Variants in SYNE1 observed in about 807,000 individuals in gnomAD.
SYNE1 encodes the protein nesprin-1.
SYNE1 carries 616 observed loss-of-function variants against 1,111.0 expected under a neutral mutation model. The observed-to-expected ratio is 0.55, with a 90% CI of 0.52 to 0.59. The LOEUF (loss-of-function observed/expected upper bound fraction) is 0.59, where lower values mean the gene tolerates loss of function less well. Among genes scored for constraint, SYNE1 ranks in the 20% least tolerant of loss-of-function variants. The pLI is 0.00. For missense variants in SYNE1, 10,006 were observed against 10,417.0 expected (o/e 0.96, Z 1.72); for synonymous variants, 3,855 against 3,825.8 (o/e 1.01, Z -0.28).
chr6:152,365,263 C>T (rs2097050137), intron 62 of SYNE1, among the ~76,000 whole-genome samples: 1 of 152,114 alleles, frequency 6.6e-6, no homozygotes, highest in Non-Finnish European at 1.5e-5. Flanking sequence ...ATAATCCCTT[C>T]CTTCCAATGA....
At chr6:152,487,242 C>T (rs1280493643) in intron 12 of SYNE1, among the ~76,000 whole-genome samples, 1 of 152,148 alleles carries the variant, frequency 6.6e-6, no homozygotes, top group Non-Finnish European at 1.5e-5. Context: ...TGTTGTTCCT[C>T]CATGTGTCCA....
chr6:152,465,180 C>G, intron 18 of SYNE1, 78 bp downstream of exon 18: 2 of 1,487,928 alleles, frequency 1.3e-6, no homozygotes, highest in East Asian at 4.5e-5. Context: ...TATGCGACCC[C>G]CTAGTGAGCT....
chr6:152,331,160 C>A lies in SYNE1; in HGVS notation c.13525G>T (p.Glu4509Ter). 6.2e-7 allele frequency: 1 copy of A among 1,614,120 alleles called. No homozygotes were observed. Among genetic ancestry groups the A allele is most frequent in the Non-Finnish European group, 8.5e-7 (1 of 1,180,040 alleles). Residue 4509 changes from glutamate (E) to a stop codon, truncating the protein, a stop_gained, in exon 78 of 146, where the codon GAA becomes TAA. Transcript: ENST00000367255. LOFTEE classifies it high-confidence loss of function. ...AQASLKTYQN[E>*]VTGLWAQGRE... is the part of the protein sequence containing the mutation. ...CCCTGGGCCCAAAGTCCAGTGACTT[C>A]ATTTTGGTAAGTCTTGAGGCTGGCT...
chr6:152,450,950 C>T, intron 26 of SYNE1, 97 bp downstream of exon 26: 1 of 1,597,234 alleles, frequency 6.3e-7, no homozygotes, highest in Non-Finnish European at 8.6e-7. Flanking sequence ...AGTAATTAAG[C>T]TATTATTTTT....
intron 127 of SYNE1, among the ~76,000 whole-genome samples, chr6:152,199,751 TC>T (rs1398281465): frequency 1.3e-5 from 2 of 152,200 alleles, no homozygotes; most frequent in Non-Finnish European, 2.9e-5. Context: ...GAGGCTAACT[TC>T]CCAAGCAATT....
intron 53 of SYNE1, among the ~76,000 whole-genome samples, chr6:152,388,614 A>G (rs1212124212): frequency 6.6e-6 from 1 of 152,158 alleles, no homozygotes; most frequent in Admixed American, 6.6e-5. Context: ...ACAACTCCAC[A>G]ATGTGTTTTG....
chr6:152,467,267 C>T (rs1320389026), intron 16 of SYNE1, among the ~76,000 whole-genome samples: 1 of 152,000 alleles, frequency 6.6e-6, no homozygotes, highest in African/African-American at 2.4e-5. Context: ...AGAATAAAGT[C>T]AGACAATAGT....
intron 104 of SYNE1, among the ~76,000 whole-genome samples, chr6:152,252,720 G>C (rs1461778900): frequency 6.6e-6 from 1 of 152,164 alleles, no homozygotes; most frequent in East Asian, 1.9e-4. Context: ...ACATTGGAAA[G>C]TTTCTCTCAA....
rs148785548 is a variant in SYNE1, at chr6:152,430,627, G to A, written c.4544C>T (p.Thr1515Ile). Reference sequence around the variant, plus strand: ...TTTAATTCGAGCAGATTCTCCAGTGGTAACAAACTGAGCAAAAGACTGGGC... The same window carrying A: ...TTTAATTCGAGCAGATTCTCCAGTGATAACAAACTGAGCAAAAGACTGGGC... The part of the protein sequence containing the change: ...EEAQSFAQFV[T>I]TGESARIKAK... The change falls in exon 35 of 146, where the codon ACC becomes ATC. Residue 1515 changes from threonine to isoleucine, a missense_variant. Thr to Ile is a moderately conservative substitution (Grantham distance 89). Transcript: ENST00000367255. 1.2e-5 allele frequency: 20 copies of A among 1,614,004 alleles called. No homozygotes were observed. In the African/African-American group the frequency reaches 1.5e-4, roughly 12 times the overall value.
intron 3 of SYNE1, among the ~76,000 whole-genome samples, chr6:152,549,383 A>G (rs2099329277): frequency 6.6e-6 from 1 of 152,250 alleles, no homozygotes; most frequent in Non-Finnish European, 1.5e-5. Context: ...GGCTTAAGCC[A>G]CAGAGTTTTG....
rs374697325 is a variant in SYNE1, at chr6:152,330,733, T to C, written c.13952A>G (p.Gln4651Arg). ...LSEKLNALPRQFNVIVALAKD... is the reference protein window; with the variant it reads ...LSEKLNALPRRFNVIVALAKD... ...AGCCAAGGCAACAATTACATTAAAT[T>C]GTCGAGGCAAAGCATTTAGCTTTTC... The change falls in exon 78 of 146, where the codon CAA becomes CGA. Residue 4651 changes from glutamine to arginine, a missense_variant. This residue lies in a region of SYNE1 where 4,955 missense variants were observed against 5,017.2 expected (regional missense o/e 0.99). Transcript: ENST00000367255. 2.8e-5 allele frequency: 45 copies of C among 1,614,060 alleles called. No individual in the cohort carries two copies. Among genetic ancestry groups the C allele is most frequent in the South Asian group, 2.0e-4 (18 of 91,078 alleles).
rs187504015 is a variant in SYNE1 at position 152,602,977 on chromosome 6, G to A, written c.67+25288C>T. Among the ~76,000 whole-genome samples the A allele has an allele frequency of 1.2e-4, 18 of 152,274 alleles. No homozygotes were observed. The East Asian group carries it at 1.9e-3, about 16-fold the overall frequency. ...GACAAACAAGCCATACCCATAAAAT[G>A]AAGAAAAGAACAGGAGGAGCATATA... is the stretch of plus-strand genomic sequence containing the variant. On this transcript the variant is annotated intron_variant, in intron 3 of 145. Transcript: ENST00000367255.
chr6:152,151,647 C>T lies in SYNE1; in HGVS notation c.24356G>A (p.Ser8119Asn), dbSNP rs1400348957. 1 of 1,614,152 alleles carries T rather than the reference C, an allele frequency of 6.2e-7. No individual in the cohort carries two copies. Among genetic ancestry groups the T allele is most frequent in the Admixed American group, 1.7e-5 (1 of 60,022 alleles). Residue 8119 changes from serine to asparagine, a missense_variant, in exon 135 of 146, where the codon AGC becomes AAC. Ser to Asn is a conservative substitution (Grantham distance 46). This residue lies in a region of SYNE1 where 34 missense variants were observed against 68.3 expected (regional missense o/e 0.50). Transcript: ENST00000367255. ...CATCTCTGTGAGCCAGACCAGAATGCTGTCCCGCGCAGTCTCAAACTCCTC... is the reference window on the plus strand; with the variant it reads ...CATCTCTGTGAGCCAGACCAGAATGTTGTCCCGCGCAGTCTCAAACTCCTC... ...QREEFETARD[S>N]ILVWLTEMDL...
Position 152,416,855 on chromosome 6 carries a change from T to C in SYNE1, c.5582A>G (p.Glu1861Gly), listed in dbSNP as rs1463746334. ...QLFEEASQVVERRQLALSHLA... is the reference protein window; with the variant it reads ...QLFEEASQVVGRRQLALSHLA... Reference sequence around the variant, plus strand: ...ATGGGACAGGGCAAGCTGCCGCCTCTCCACAACCTGGCTGGCCTCCTCAAA... The same window carrying C: ...ATGGGACAGGGCAAGCTGCCGCCTCCCCACAACCTGGCTGGCCTCCTCAAA... Residue 1861 changes from glutamate to glycine, a missense_variant, in exon 41 of 146, where the codon GAG becomes GGG. Glu to Gly is a moderately conservative substitution (Grantham distance 98). Around this residue, in one of 7 missense-constraint regions of SYNE1, gnomAD observed 4,955 missense variants for 5,017.2 expected, o/e 0.99. Transcript: ENST00000367255. The C allele has an allele frequency of 6.2e-7, 1 of 1,614,042 alleles. No homozygotes were observed. Among genetic ancestry groups the C allele is most frequent in the South Asian group, 1.1e-5 (1 of 91,078 alleles).
intron 8 of SYNE1, among the ~76,000 whole-genome samples, chr6:152,506,978 T>C (rs1393179041): frequency 6.6e-6 from 1 of 152,212 alleles, no homozygotes; most frequent in South Asian, 2.1e-4. Flanking sequence ...TTGAGCTTGA[T>C]CATTGGCTTC....
At chr6:152,177,943 TTGACAAC>T (rs2066898960) in intron 129 of SYNE1, among the ~76,000 whole-genome samples, 1 of 152,112 alleles carries the variant, frequency 6.6e-6, no homozygotes, top group Admixed American at 6.6e-5. Context: ...CACTTCCCAG[TTGACAAC>T]TGCCTTTTTC....
Position 152,430,205 on chromosome 6 carries a change from C to T in SYNE1, c.4695G>A (p.Gln1565=). Residue 1565 remains glutamine (Q), a synonymous_variant, in exon 36 of 146, where the codon CAG becomes CAA. Transcript: ENST00000367255. The stretch of plus-strand genomic sequence containing the variant: ...TATCTTCAAATTCAGACACAGATTG[C>T]TGGATCTAAAACATTGGTGCAATAT... ...QKFEENLRKI[Q]QSVSEFEDKL... The T allele has an allele frequency of 6.3e-7, 1 of 1,599,098 alleles. No individual in the cohort carries two copies. Among genetic ancestry groups the T allele is most frequent in the Non-Finnish European group, 8.5e-7 (1 of 1,169,852 alleles).
At chr6:152,138,416 C>A (rs1310001246) in intron 140 of SYNE1, among the ~76,000 whole-genome samples, 1 of 151,808 alleles carries the variant, frequency 6.6e-6, no homozygotes, top group Admixed American at 6.6e-5. Context: ...GAGGCCGAGG[C>A]AGGAGAAACG....
Position 152,399,761 on chromosome 6 carries a change from A to G in SYNE1, c.7092T>C (p.Asn2364=), listed in dbSNP as rs1563718211. 2 of 1,614,104 alleles carry G rather than the reference A, an allele frequency of 1.2e-6. No homozygotes were observed. Among genetic ancestry groups the G allele is most frequent in the African/African-American group, 1.3e-5 (1 of 75,020 alleles). Residue 2364 remains asparagine (N), a synonymous_variant, in exon 48 of 146, where the codon AAT becomes AAC. Transcript: ENST00000367255. Reference sequence around the variant, plus strand: ...CTGAGTGGTACTTGCGGCACAAGCTATTGAGATTTTCTTGGGTAGAGCTGA... The same window carrying G: ...CTGAGTGGTACTTGCGGCACAAGCTGTTGAGATTTTCTTGGGTAGAGCTGA... ...SNISSTQENL[N]SLCRKYHSAE...
Sources: gnomAD v4.1 joint callset for allele counts (sites outside exome capture counted in the v4.1 genomes callset) on GRCh38, gnomAD v4.1.1 for gene constraint, gnomAD v4.1.1 regional missense constraint, MANE v1.5 for transcripts, NCBI Gene and HGNC (gene_info 2026-07-23, HGNC 2026-07-21) for gene names.